SLC24A3: variants seen among roughly 807,000 people sequenced by gnomAD.
SLC24A3 encodes sodium/potassium/calcium exchanger 3.
In SLC24A3, 28 loss-of-function variants were observed where a neutral mutation model predicts 75.8. That is an observed-to-expected ratio of 0.37 (90% confidence interval 0.27 to 0.51). SLC24A3 has a LOEUF of 0.51. SLC24A3 is among the 20% of genes least tolerant of loss of function. The pLI is 0.94. For synonymous variants in SLC24A3, 372 were observed against 334.1 expected, an observed-to-expected ratio of 1.11 and a Z score of -1.24; for missense variants, 663 against 847.8, an observed-to-expected ratio of 0.78 and a Z score of 2.71.
chr20:19,461,752 C>T (rs1357259552), intron 2 of SLC24A3, among the ~76,000 whole-genome samples: 1 of 151,900 alleles, frequency 6.6e-6, no homozygotes, highest in Non-Finnish European at 1.5e-5. Context: ...AGGCTGGTCT[C>T]GAACTCCTGA....
At chr20:19,214,217 C>T (rs1981489836) in intron 1 of SLC24A3, among the ~76,000 whole-genome samples, 2 of 152,084 alleles carry the variant, frequency 1.3e-5, no homozygotes, top group Non-Finnish European at 1.5e-5. Flanking sequence ...AGCAGAGAGT[C>T]CGTCTTGGTC....
intron 8 of SLC24A3, among the ~76,000 whole-genome samples, chr20:19,672,436 G>A (rs1257561661): frequency 6.6e-6 from 1 of 152,100 alleles, no homozygotes; most frequent in Non-Finnish European, 1.5e-5. Context: ...CTGAGCTCAA[G>A]CAATCCTCCC....
At chr20:19,272,450 C>A (rs1393007788) in intron 1 of SLC24A3, among the ~76,000 whole-genome samples, 1 of 152,252 alleles carries the variant, frequency 6.6e-6, no homozygotes, top group Non-Finnish European at 1.5e-5. Context: ...TTGCTGGGCA[C>A]ATGAGTCACC....
rs2206637 is a variant in SLC24A3 at position 19,498,122 on chromosome 20, T to A, written c.272-17366T>A. On this transcript the variant is annotated intron_variant, in intron 2 of 16. Coordinates refer to ENST00000328041, the MANE Select transcript of SLC24A3 (RefSeq NM_020689.4). ...AGGTTGCACACTCCTCATGAAATTCTAATGCCTGATGATCTGTCACTGTCT... is the reference window on the plus strand; with the variant it reads ...AGGTTGCACACTCCTCATGAAATTCAAATGCCTGATGATCTGTCACTGTCT... 4.2e-3 allele frequency among the ~76,000 whole-genome samples: 647 copies of A among 152,296 alleles called. 7 individuals carry two copies. Among genetic ancestry groups the A allele is most frequent in the East Asian group, 0.036 (185 of 5,168 alleles).
intron 15 of SLC24A3, among the ~76,000 whole-genome samples, chr20:19,700,810 T>C (rs1256639652): frequency 6.6e-6 from 1 of 152,238 alleles, no homozygotes. Flanking sequence ...TACTTAATCA[T>C]GCTGCTGCTC....
chr20:19,396,355 CTT>C (rs1986453989), intron 2 of SLC24A3, among the ~76,000 whole-genome samples: 1 of 152,180 alleles, frequency 6.6e-6, no homozygotes, highest in African/African-American at 2.4e-5. Flanking sequence ...GTAAACTTGA[CTT>C]GAATAATTTA....
At chr20:19,595,634 C>T (rs6046205) in intron 6 of SLC24A3, among the ~76,000 whole-genome samples, 114 of 152,082 alleles carry the variant, frequency 7.5e-4, no homozygotes, top group Non-Finnish European at 1.3e-3. Context: ...TGCTTTTTAG[C>T]GGCAGGCACA....
chr20:19,380,241 G>A (rs142223463), intron 2 of SLC24A3, among the ~76,000 whole-genome samples: 5 of 152,282 alleles, frequency 3.3e-5, no homozygotes, highest in East Asian at 1.9e-4. Flanking sequence ...TGAAGGTTGC[G>A]GGAAGGCCTG....
chr20:19,373,079 T>C (rs1420970535), intron 2 of SLC24A3, among the ~76,000 whole-genome samples: 1 of 151,858 alleles, frequency 6.6e-6, no homozygotes, highest in Non-Finnish European at 1.5e-5. Context: ...TTTTGGCCCA[T>C]TTTTATTAAG....
intron 2 of SLC24A3, among the ~76,000 whole-genome samples, chr20:19,440,555 G>A (rs78597941): frequency 1.1e-4 from 16 of 151,740 alleles, no homozygotes; most frequent in Non-Finnish European, 1.8e-4. Flanking sequence ...AGAGGGTGCC[G>A]ACAACGAACA....
intron 2 of SLC24A3, among the ~76,000 whole-genome samples, chr20:19,343,086 A>AAAG (rs1568594794): frequency 7.5e-6 from 1 of 133,424 alleles, no homozygotes; most frequent in African/African-American, 3.7e-5. Flanking sequence ...AAAAAAAAAG[A>AAAG]AAAAAGAAAA....
intron 7 of SLC24A3, 137 bp from the exon 8 acceptor site, chr20:19,665,727 C>T (rs1461201599): frequency 1.9e-5 from 22 of 1,186,052 alleles, no homozygotes; most frequent in Non-Finnish European, 2.1e-5. Context: ...CTCCAGGTCC[C>T]AGGACAACCC....
At chr20:19,348,469 G>A (rs1168549562) in intron 2 of SLC24A3, among the ~76,000 whole-genome samples, 1 of 152,106 alleles carries the variant, frequency 6.6e-6, no homozygotes, top group Admixed American at 6.5e-5. Context: ...AGTTCTGTTG[G>A]TCAGAGCATC....
At chr20:19,574,675 T>C (rs374730362) in intron 3 of SLC24A3, among the ~76,000 whole-genome samples, 1 of 152,230 alleles carries the variant, frequency 6.6e-6, no homozygotes, top group African/African-American at 2.4e-5. Flanking sequence ...ACAATGGCAG[T>C]GCATGAGGGG....
At chr20:19,646,870 T>TGTGTGTGTG in intron 6 of SLC24A3, among the ~76,000 whole-genome samples, 1 of 151,962 alleles carries the variant, frequency 6.6e-6, no homozygotes, top group African/African-American at 2.4e-5. Context: ...TGTGTGTGTG[T>TGTGTGTGTG]TTATGCTTTC....
chr20:19,463,438 T>C (rs2122497578), intron 2 of SLC24A3, among the ~76,000 whole-genome samples: 1 of 152,332 alleles, frequency 6.6e-6, no homozygotes, highest in African/African-American at 2.4e-5. Flanking sequence ...CACTTATTCC[T>C]CACCACTGTG....
chr20:19,595,199 A>G (rs1312228893), intron 6 of SLC24A3, among the ~76,000 whole-genome samples: 1 of 152,174 alleles, frequency 6.6e-6, no homozygotes, highest in Non-Finnish European at 1.5e-5. Flanking sequence ...TGATGTGTCT[A>G]AGCAGACACA....
intron 2 of SLC24A3, among the ~76,000 whole-genome samples, chr20:19,367,029 C>A (rs1985904565): frequency 6.6e-6 from 1 of 152,260 alleles, no homozygotes; most frequent in Non-Finnish European, 1.5e-5. Context: ...CGGAAATATT[C>A]TCTGTCCTAT....
intron 2 of SLC24A3, among the ~76,000 whole-genome samples, chr20:19,290,323 G>A (rs761557775): frequency 1.2e-4 from 18 of 152,114 alleles, no homozygotes; most frequent in Non-Finnish European, 2.5e-4. Flanking sequence ...AAGCTTCCAG[G>A]GGGTTATAGT....
Sources: gnomAD v4.1 joint callset for allele counts (sites outside exome capture counted in the v4.1 genomes callset) on GRCh38, gnomAD v4.1.1 for gene constraint, MANE v1.5 for transcripts, NCBI Gene and HGNC (gene_info 2026-07-23, HGNC 2026-07-21) for gene names.